Variants in TTLL10 observed in about 807,000 individuals in gnomAD.
TTLL10 encodes the protein inactive polyglycylase TTLL10.
In TTLL10, 61 loss-of-function variants were observed where a neutral mutation model predicts 69.0. The observed-to-expected ratio is 0.88, with a 90% confidence interval of 0.72 to 1.09. The LOEUF (loss-of-function observed/expected upper bound fraction) is 1.09, where lower values mean the gene tolerates loss of function less well. Among genes scored for constraint, TTLL10 ranks in the 50% least tolerant of loss-of-function variants. The pLI is 0.00. For synonymous variants in TTLL10, 408 were observed against 393.3 expected, an observed-to-expected ratio of 1.04 and a Z score of -0.44; for missense variants, 962 against 945.9, an observed-to-expected ratio of 1.02 and a Z score of -0.22.
At position 1,179,322 on chromosome 1, in the gene TTLL10, C is replaced by T; in HGVS notation, c.107C>T (p.Ala36Val). Residue 36 changes from alanine to valine, a missense_variant, in exon 4 of 16, where the codon GCT becomes GTT. Ala to Val is a moderately conservative substitution (Grantham distance 64). Transcript: ENST00000379289. ...CCAAGGATCCAGCAGAGGCCTCGGG[C>T]TCGAGTCTCAGGTGAATAGAGCAGC... is the stretch of plus-strand genomic sequence containing the variant. ...KRPRIQQRPR[A>V]RVSGTIPASR... 1 of 1,551,208 alleles carries T rather than the reference C, an allele frequency of 6.4e-7. No individual in the cohort carries two copies. The highest frequency in any genetic ancestry group is 8.7e-7 in the Non-Finnish European group (1 of 1,146,826).
Position 1,181,855 on chromosome 1 carries a change from G to A in TTLL10, c.830+40G>A. On this transcript the variant is annotated intron_variant, in intron 9 of 15. Transcript: ENST00000379289. This position sits in a 1 kb window ranked among gnomAD's most constrained non-coding sequence, Gnocchi z 4.6. ...GCTGTGAGGGGCCCTTCAGACCGAA[G>A]TTCAGACCTAAACCTGGTGTCGTCT... The A allele has an allele frequency of 1.3e-6, 2 of 1,555,060 alleles. No individual in the cohort carries two copies.
rs575083407 is a variant in TTLL10 at position 1,183,156 on chromosome 1, C to T, written c.1088+109C>T. On this transcript the variant is annotated intron_variant, in intron 11 of 15. Transcript: ENST00000379289. ...AGCCCTTGGTCGTGGAAAGCAGCCG[C>T]ACCACCAGCCCCTGTGCAGACCACA... The T allele has an allele frequency of 9.7e-6, 13 of 1,342,486 alleles. No homozygotes were observed. In the African/African-American group the frequency reaches 1.5e-4, roughly 15 times the overall value. The allele number at this position is 1,342,486 out of a possible 1,614,324, so 83.2% of individuals were successfully genotyped here.
At chr1:1,182,327 C>T (rs1312011144) in intron 9 of TTLL10, 34 bp from the exon 10 acceptor site, 3 of 1,593,814 alleles carry the variant, frequency 1.9e-6, no homozygotes, top group Admixed American at 3.3e-5. Flanking sequence ...GGCGAAGGGA[C>T]AGCAGCTCAT....
chr1:1,196,905 C>A (rs549616157), intron 14 of TTLL10, among the ~76,000 whole-genome samples, 188 bp from the exon 15 acceptor site: 31 of 152,110 alleles, frequency 2.0e-4, no homozygotes, highest in Non-Finnish European at 4.4e-4. Flanking sequence ...AACTGCACCC[C>A]CTCCTCAGAG....
intron 9 of TTLL10, among the ~76,000 whole-genome samples, chr1:1,182,122 C>T (rs1647088188): frequency 6.6e-6 from 1 of 152,242 alleles, no homozygotes; most frequent in Non-Finnish European, 1.5e-5. Context: ...GAAAAAGCAG[C>T]CAGCGGGAGG....
rs1318451420 is a variant in TTLL10 at position 1,179,744 on chromosome 1, A to C, written c.199+7A>C. On this transcript the variant is annotated splice_region_variant and intron_variant, in intron 5 of 15. Coordinates refer to ENST00000379289, the MANE Select transcript of TTLL10 (RefSeq NM_001130045.2). ...CCAGGCCACTGCCCTGTTGGTGAGG[A>C]GGGTCGGAGGGGCGACCTCCCTGCC... 1.9e-6 allele frequency: 3 copies of C among 1,545,244 alleles called. No homozygotes were observed. Among genetic ancestry groups the C allele is most frequent in the Non-Finnish European group, 2.6e-6 (3 of 1,144,688 alleles).
At chr1:1,188,836 CA>C (rs1381455086) in intron 13 of TTLL10, among the ~76,000 whole-genome samples, 1 of 152,228 alleles carries the variant, frequency 6.6e-6, no homozygotes. Context: ...CCATTTCTTT[CA>C]GCAATGTTTT....
chr1:1,186,994 C>T (rs1227797566), intron 13 of TTLL10, among the ~76,000 whole-genome samples: 1 of 149,820 alleles, frequency 6.7e-6, no homozygotes, highest in Non-Finnish European at 1.5e-5. Context: ...CTACAGGCGC[C>T]CGCCACCACG....
chr1:1,182,946 G>C lies in TTLL10; in HGVS notation c.987G>C (p.Gln329His). The change falls in exon 11 of 16, where the codon CAG becomes CAC. Residue 329 changes from glutamine to histidine, a missense_variant. Transcript: ENST00000379289. ...AAGGCATCTTCCTGCTCCGGAACCAGGAGGAAGTTGCCGCCCTGCAGGCCA... is the reference window on the plus strand; with the variant it reads ...AAGGCATCTTCCTGCTCCGGAACCACGAGGAAGTTGCCGCCCTGCAGGCCA... The part of the protein sequence containing the change: ...QGKGIFLLRN[Q>H]EEVAALQAKT... The C allele has an allele frequency of 6.2e-7, 1 of 1,602,074 alleles. No homozygotes were observed. The highest frequency in any genetic ancestry group is 8.5e-7 in the Non-Finnish European group (1 of 1,174,988).
intron 13 of TTLL10, among the ~76,000 whole-genome samples, chr1:1,194,648 C>T (rs1464410527): frequency 1.3e-5 from 2 of 152,214 alleles, no homozygotes; most frequent in Non-Finnish European, 2.9e-5. Context: ...ACTGCCTGCC[C>T]ACCTCACGAC....
intron 9 of TTLL10, 150 bp from the exon 10 acceptor site, chr1:1,182,211 A>C: frequency 1.4e-6 from 1 of 701,602 alleles, no homozygotes; most frequent in Admixed American, 2.2e-5. Context: ...AGGGGCAGGA[A>C]ACGCAAAGTC....
intron 10 of TTLL10, 146 bp downstream of exon 10, chr1:1,182,592 G>A (rs544949418): frequency 1.1e-5 from 10 of 935,972 alleles, no homozygotes; most frequent in South Asian, 1.0e-4. Flanking sequence ...AGGGGCCAGG[G>A]CTGGGCCTGG....
rs1403602175 is a variant in TTLL10 at position 1,181,746 on chromosome 1, A to G, written c.761A>G (p.Glu254Gly). 1 of 1,601,760 alleles carries G rather than the reference A, an allele frequency of 6.2e-7. No individual in the cohort carries two copies. Among genetic ancestry groups the G allele is most frequent in the Non-Finnish European group, 8.5e-7 (1 of 1,175,402 alleles). ...KVPGGVQARL[E>G]KDAAAPALED... is the part of the protein sequence containing the mutation. Reference sequence around the variant, plus strand: ...CTCTGTCCCCTGGGCTGCAGGCTGGAAAAGGACGCAGCAGCGCCCGCCCTG... The same window carrying G: ...CTCTGTCCCCTGGGCTGCAGGCTGGGAAAGGACGCAGCAGCGCCCGCCCTG... Residue 254 changes from glutamate to glycine, a missense_variant, in exon 9 of 16, where the codon GAA (glutamate) becomes GGA (glycine). Transcript: ENST00000379289. The surrounding 1 kb of genome is among the most constrained non-coding windows in gnomAD (Gnocchi z 4.6).
Position 1,181,638 on chromosome 1 carries a change from C to A in TTLL10, c.756-103C>A. The A allele has an allele frequency of 9.4e-7, 1 of 1,069,464 alleles. No individual in the cohort carries two copies. The highest frequency in any genetic ancestry group is 1.4e-6 in the Non-Finnish European group (1 of 737,048). The allele number at this position is 1,069,464 out of a possible 1,614,324, so 66.2% of individuals were successfully genotyped here. ...AGCCACCTCCTTCCACCACAACTCA[C>A]AGTCCGCCCACTCACCACCCATGCC... On this transcript the variant is annotated intron_variant, in intron 8 of 15. Coordinates refer to ENST00000379289, the MANE Select transcript of TTLL10 (RefSeq NM_001130045.2). This position sits in a 1 kb window ranked among gnomAD's most constrained non-coding sequence, Gnocchi z 4.6.
rs758599047 is a variant in TTLL10 at position 1,185,042 on chromosome 1, G to A, written c.1334G>A (p.Arg445His). 3.7e-5 allele frequency: 59 copies of A among 1,613,898 alleles called. No individual in the cohort carries two copies. The Middle Eastern group carries it at 8.2e-4, about 22-fold the overall frequency. The stretch of plus-strand genomic sequence containing the variant: ...GTGTGGAGCATGGAACACCTCAACC[G>A]CTACATCAGTGACACGTTCTGGAAG... ...HTVWSMEHLNRYISDTFWKAR... is the reference protein window; with the variant it reads ...HTVWSMEHLNHYISDTFWKAR... Residue 445 changes from arginine to histidine, a missense_variant, in exon 13 of 16, where the codon CGC (arginine) becomes CAC (histidine). By Grantham distance (29) the Arg-to-His change is conservative. Coordinates refer to ENST00000379289, the MANE Select transcript of TTLL10 (RefSeq NM_001130045.2). This position sits in a 1 kb window ranked among gnomAD's most constrained non-coding sequence, Gnocchi z 6.1.
At chr1:1,195,948 G>A (rs2100924682) in intron 13 of TTLL10, among the ~76,000 whole-genome samples, 1 of 147,590 alleles carries the variant, frequency 6.8e-6, no homozygotes. Flanking sequence ...ACCAACTTGT[G>A]TATTTCTAGT....
intron 13 of TTLL10, among the ~76,000 whole-genome samples, chr1:1,187,544 T>C (rs1647434252): frequency 6.6e-6 from 1 of 151,782 alleles, no homozygotes; most frequent in South Asian, 2.1e-4. Flanking sequence ...AAAGAAGAAT[T>C]GCTTGAACCC....
rs1329563053 is a variant in TTLL10, at chr1:1,197,108, A to G, written c.1534A>G (p.Met512Val). ...DDNFKVWLLE[M>V]NSNPALHTNC... ...TCTGGGGCAGGTATGGCTGCTGGAG[A>G]TGAATTCTAACCCAGCCCTGCACAC... The change falls in exon 15 of 16, where the codon ATG (methionine) becomes GTG (valine). Residue 512 changes from methionine (M) to valine (V), a missense_variant. Transcript: ENST00000379289. 2 of 1,550,972 alleles carry G rather than the reference A, an allele frequency of 1.3e-6. No homozygotes were observed. The highest frequency in any genetic ancestry group is 4.9e-5 in the East Asian group (2 of 40,900).
chr1:1,183,060 G>T lies in TTLL10; in HGVS notation c.1088+13G>T. Reference sequence around the variant, plus strand: ...GGGTGGTGCAGAGGTGCGGCGGCGGGTGCCCGGAGGGGTGAGGGTCTGGGC... The same window carrying T: ...GGGTGGTGCAGAGGTGCGGCGGCGGTTGCCCGGAGGGGTGAGGGTCTGGGC... On this transcript the variant is annotated intron_variant, in intron 11 of 15. Transcript: ENST00000379289. 1 of 1,583,756 alleles carries T rather than the reference G, an allele frequency of 6.3e-7. No homozygotes were observed.
Sources: allele counts gnomAD v4.1 joint callset (sites outside exome capture counted in the v4.1 genomes callset), GRCh38; gene constraint gnomAD v4.1.1; non-coding constraint Gnocchi (gnomAD v3.1); transcripts MANE v1.5; gene names NCBI Gene and HGNC (gene_info 2026-07-23, HGNC 2026-07-21).